TDRD3: variants seen among roughly 807,000 people sequenced by gnomAD.
TDRD3 encodes tudor domain-containing protein 3.
A neutral mutation model predicts 86.7 loss-of-function variants in TDRD3; 45 were observed. The observed-to-expected ratio is 0.52, with a 90% CI of 0.41 to 0.67. The LOEUF (loss-of-function observed/expected upper bound fraction) is 0.67. TDRD3 is among the 30% of genes least tolerant of loss of function. The pLI is 0.00. For missense variants in TDRD3, 814 were observed against 889.0 expected (o/e 0.92, Z 1.07); for synonymous variants, 298 against 301.7 (o/e 0.99, Z 0.13).
intron 12 of TDRD3, 88 bp from the exon 13 acceptor site, chr13:60,567,437 A>G: frequency 6.4e-7 from 1 of 1,556,030 alleles, no homozygotes; most frequent in Non-Finnish European, 8.8e-7. Flanking sequence ...TAAGAGAGAT[A>G]TTATTAAAAT....
chr13:60,568,632 T>C (rs1958517182), intron 13 of TDRD3, among the ~76,000 whole-genome samples: 1 of 152,162 alleles, frequency 6.6e-6, no homozygotes, highest in South Asian at 2.1e-4. Context: ...GCTAGACTCA[T>C]ACTGAACAGG....
At chr13:60,509,725 G>A in intron 8 of TDRD3, 38 bp from the exon 9 acceptor site, 1 of 1,612,468 alleles carries the variant, frequency 6.2e-7, no homozygotes, top group Non-Finnish European at 8.5e-7. Context: ...TGCCTTATCT[G>A]TGGGCTATCA....
rs1393136174 is a variant in TDRD3 at position 60,494,536 on chromosome 13, C to T, written c.819C>T (p.Thr273=). Reference sequence around the variant, plus strand: ...AAGTTTTACAGAAAGAAAAGTCAACCAAATCAGAGGGAAAACATGAAGGTG... The same window carrying T: ...AAGTTTTACAGAAAGAAAAGTCAACTAAATCAGAGGGAAAACATGAAGGTG... ...NREVLQKEKS[T]KSEGKHEGVY... is the part of the protein sequence containing the mutation. The change falls in exon 8 of 14, where the codon ACC becomes ACT. Residue 273 remains threonine, a synonymous_variant. Coordinates refer to ENST00000377881, the MANE Select transcript of TDRD3 (RefSeq NM_001146070.2). The T allele has an allele frequency of 1.8e-5, 29 of 1,613,600 alleles. No homozygotes were observed. The highest frequency in any genetic ancestry group is 2.5e-5 in the Non-Finnish European group (29 of 1,179,796).
At chr13:60,450,614 T>C (rs9538707) in intron 3 of TDRD3, among the ~76,000 whole-genome samples, 22,852 of 152,216 alleles carry the variant, frequency 0.15, 2,159 homozygotes, top group South Asian at 0.28. Flanking sequence ...AAGTAAATTA[T>C]AGTTAAAGCA....
intron 12 of TDRD3, among the ~76,000 whole-genome samples, chr13:60,563,011 C>G (rs1958371109): frequency 6.6e-6 from 1 of 151,974 alleles, no homozygotes; most frequent in Non-Finnish European, 1.5e-5. Flanking sequence ...GGTGGATCAC[C>G]TGAGGTCAGG....
chr13:60,550,020 A>G (rs921208674), intron 12 of TDRD3, among the ~76,000 whole-genome samples: 1 of 152,108 alleles, frequency 6.6e-6, no homozygotes, highest in African/African-American at 2.4e-5. Context: ...TGCATCATGA[A>G]CACTTGATCT....
intron 1 of TDRD3, among the ~76,000 whole-genome samples, chr13:60,417,851 C>T (rs1354050462): frequency 6.6e-6 from 1 of 152,296 alleles, no homozygotes; most frequent in East Asian, 1.9e-4. Context: ...GTGGTACACT[C>T]ATCTCACCAT....
intron 12 of TDRD3, among the ~76,000 whole-genome samples, chr13:60,560,313 A>G (rs1005701821): frequency 6.6e-5 from 10 of 152,146 alleles, no homozygotes; most frequent in Non-Finnish European, 1.0e-4. Flanking sequence ...CAGGCACACA[A>G]TGGAATAAGC....
At chr13:60,536,720 C>G (rs1957704414) in intron 12 of TDRD3, 1 of 152,044 alleles carries the variant, frequency 6.6e-6, no homozygotes, top group Admixed American at 6.6e-5. Context: ...TTATTCTTCT[C>G]TCCCTAAAGA....
intron 7 of TDRD3, among the ~76,000 whole-genome samples, chr13:60,486,322 A>G (rs768495664): frequency 6.6e-6 from 1 of 152,264 alleles, no homozygotes; most frequent in Non-Finnish European, 1.5e-5. Context: ...ATTAATAGCA[A>G]CTTATGAGAA....
At chr13:60,429,914 A>C (rs1415031693) in intron 1 of TDRD3, among the ~76,000 whole-genome samples, 4 of 152,176 alleles carry the variant, frequency 2.6e-5, no homozygotes, top group African/African-American at 9.7e-5. Flanking sequence ...AAACAAGGGC[A>C]CCATGTTTAA....
intron 3 of TDRD3, among the ~76,000 whole-genome samples, chr13:60,451,045 T>G (rs2138009271): frequency 6.6e-6 from 1 of 152,298 alleles, no homozygotes; most frequent in African/African-American, 2.4e-5. Context: ...AACTAAAGAA[T>G]AAAAAATAAA....
At chr13:60,570,253 T>G (rs1958557366) in intron 13 of TDRD3, among the ~76,000 whole-genome samples, 1 of 152,160 alleles carries the variant, frequency 6.6e-6, no homozygotes, top group Non-Finnish European at 1.5e-5. Context: ...GGCAAAAGAC[T>G]TGAATAGGCA....
chr13:60,503,924 TAAATG>T (rs1408626352), intron 8 of TDRD3, among the ~76,000 whole-genome samples: 1 of 152,208 alleles, frequency 6.6e-6, no homozygotes, highest in Non-Finnish European at 1.5e-5. Flanking sequence ...AGTTTGACCA[TAAATG>T]AAATCTTTAC....
intron 7 of TDRD3, among the ~76,000 whole-genome samples, chr13:60,486,401 TTTATACTTTATTTTATTTAG>T (rs1956436513): frequency 6.6e-6 from 1 of 152,182 alleles, no homozygotes; most frequent in African/African-American, 2.4e-5. Flanking sequence ...CATTTTTGTC[TTTATACTTTATTTTATTTAG>T]TGTATAGTAA....
intron 13 of TDRD3, 96 bp from the exon 14 acceptor site, chr13:60,573,519 AT>A: frequency 1.4e-6 from 1 of 712,084 alleles, no homozygotes; most frequent in Non-Finnish European, 1.7e-6. Flanking sequence ...AACACTTCAC[AT>A]TTACAGATAA....
intron 3 of TDRD3, among the ~76,000 whole-genome samples, chr13:60,450,463 G>C (rs370615037): frequency 3.3e-5 from 5 of 152,096 alleles, no homozygotes; most frequent in Non-Finnish European, 7.4e-5. Flanking sequence ...GTGACCACTG[G>C]TAAAGTACTT....
intron 12 of TDRD3, chr13:60,536,575 AT>A (rs1241567024): frequency 6.6e-6 from 1 of 151,988 alleles, no homozygotes; most frequent in Non-Finnish European, 1.5e-5. Flanking sequence ...TTGAATCTGT[AT>A]TTCTACAAGT....
intron 3 of TDRD3, among the ~76,000 whole-genome samples, chr13:60,451,920 C>A (rs1566201423): frequency 6.6e-6 from 1 of 152,128 alleles, no homozygotes; most frequent in Non-Finnish European, 1.5e-5. Context: ...TGCATTGAAT[C>A]TGCGCATTAG....
Sources: gnomAD v4.1 joint callset for allele counts (sites outside exome capture counted in the v4.1 genomes callset) on GRCh38, gnomAD v4.1.1 for gene constraint, MANE v1.5 for transcripts, NCBI Gene and HGNC (gene_info 2026-07-23, HGNC 2026-07-21) for gene names.